CNNM2: variants seen among roughly 807,000 people sequenced by gnomAD.
CNNM2 encodes cyclin and CBS domain divalent metal cation transport mediator 2, also known as metal transporter CNNM2.
In CNNM2, 12 loss-of-function variants were observed where a neutral mutation model predicts 66.9. That is an observed-to-expected ratio of 0.18 (90% CI 0.11 to 0.29). The LOEUF (loss-of-function observed/expected upper bound fraction) is 0.29, where lower values mean the gene tolerates loss of function less well. Ranked by LOEUF, CNNM2 falls within the 10% of genes least tolerant of loss-of-function variation. The probability of loss-of-function intolerance (pLI) is 1.00; values close to 1 mark genes in which losing one functional copy is unlikely to be tolerated. For synonymous variants in CNNM2, 557 were observed against 501.8 expected, an observed-to-expected ratio of 1.11 and a Z score of -1.47; for missense variants, 705 against 1,167.7, an observed-to-expected ratio of 0.60 and a Z score of 5.77.
intron 4 of CNNM2, 146 bp from the exon 5 acceptor site, chr10:103,068,483 T>G (rs916875072): frequency 1.6e-4 from 110 of 705,060 alleles, no homozygotes; most frequent in Non-Finnish European, 2.5e-4. Context: ...CTCCTCTCAG[T>G]GGGAAAGATG....
intron 1 of CNNM2, among the ~76,000 whole-genome samples, chr10:102,925,118 G>T (rs995894752): frequency 6.6e-6 from 1 of 151,754 alleles, no homozygotes; most frequent in Non-Finnish European, 1.5e-5. Flanking sequence ...CCAACATGGA[G>T]AGACCTTGTC....
Position 102,919,666 on chromosome 10 carries a change from C to T in CNNM2, c.1186C>T (p.Leu396=), listed in dbSNP as rs1274960360. The T allele has an allele frequency of 6.2e-7, 1 of 1,614,114 alleles. No individual in the cohort carries two copies. The highest frequency in any genetic ancestry group is 1.3e-5 in the African/African-American group (1 of 74,954). ...TFPASYPVSK[L]LDCVLGQEIG... ...CCCCGCTTCCTACCCGGTCAGCAAGCTGCTGGACTGCGTCCTGGGCCAGGA... is the reference window on the plus strand; with the variant it reads ...CCCCGCTTCCTACCCGGTCAGCAAGTTGCTGGACTGCGTCCTGGGCCAGGA... The change falls in exon 1 of 8, where the codon CTG becomes TTG. Residue 396 remains leucine (L), a synonymous_variant. Transcript: ENST00000369878.
chr10:103,053,956 A>G (rs925402307), intron 2 of CNNM2, among the ~76,000 whole-genome samples: 1 of 152,104 alleles, frequency 6.6e-6, no homozygotes, highest in African/African-American at 2.4e-5. Context: ...GGTGACATTG[A>G]GCAACAGTGG....
intron 1 of CNNM2, among the ~76,000 whole-genome samples, chr10:102,947,431 C>T (rs1180871026): frequency 2.1e-5 from 3 of 144,670 alleles, no homozygotes; most frequent in East Asian, 2.1e-4. Context: ...TTTGGAAATA[C>T]TTATAAAGTG....
rs139670955 is a variant in CNNM2 at position 103,041,301 on chromosome 10, T to A, written c.1622-8406T>A. 7.2e-4 allele frequency among the ~76,000 whole-genome samples: 109 copies of A among 152,324 alleles called. 1 individual carries two copies. Among genetic ancestry groups the A allele is most frequent in the African/African-American group, 2.5e-3 (106 of 41,578 alleles). On this transcript the variant is annotated intron_variant, in intron 1 of 7. Coordinates refer to ENST00000369878, the MANE Select transcript of CNNM2 (RefSeq NM_017649.5). Reference sequence around the variant, plus strand: ...AAGTTTCACTGAGCTGTGAAACTTATGCAGCTGTGTGTGTGTACCTATTCA... The same window carrying A: ...AAGTTTCACTGAGCTGTGAAACTTAAGCAGCTGTGTGTGTGTACCTATTCA...
At chr10:102,983,989 C>T (rs1330129828) in intron 1 of CNNM2, among the ~76,000 whole-genome samples, 2 of 152,016 alleles carry the variant, frequency 1.3e-5, no homozygotes, top group Non-Finnish European at 2.9e-5. Context: ...CTCCTGACTT[C>T]AGGTGATCCA....
intron 1 of CNNM2, among the ~76,000 whole-genome samples, chr10:103,004,561 G>A (rs947916908): frequency 4.6e-5 from 7 of 152,172 alleles, no homozygotes; most frequent in South Asian, 2.1e-4. Flanking sequence ...TAGTTCAAGG[G>A]TAGAGCCTGA....
intron 1 of CNNM2, among the ~76,000 whole-genome samples, chr10:103,029,541 C>T (rs1040035279): frequency 6.6e-6 from 1 of 151,272 alleles, no homozygotes; most frequent in Non-Finnish European, 1.5e-5. Context: ...AAAGAGAACC[C>T]TTCCTTCAAT....
chr10:103,079,536 G>A lies in CNNM2; in HGVS notation c.*2356G>A, dbSNP rs547203439. ...TAAATCCTAAAGAACTGAGTCTGGG[G>A]AGAGGAGAGGGGATGCCAGCTGCTG... On this transcript the variant is annotated 3_prime_UTR_variant, in exon 8 of 8. Transcript: ENST00000369878. The A allele has an allele frequency of 6.6e-6, 1 of 152,456 alleles. No individual in the cohort carries two copies. Among genetic ancestry groups the A allele is most frequent in the South Asian group, 2.1e-4 (1 of 4,822 alleles). The allele number at this position is 152,456 out of a possible 1,614,324, so 9.4% of individuals were successfully genotyped here.
chr10:103,028,393 G>A (rs2064748861), intron 1 of CNNM2, among the ~76,000 whole-genome samples: 1 of 152,130 alleles, frequency 6.6e-6, no homozygotes, highest in Admixed American at 6.5e-5. Flanking sequence ...CATGTTTTGT[G>A]TTTATAAGAA....
In CNNM2 at chr10:102,979,876, A is replaced by G. The variant is rs139912319; in HGVS notation, c.1621+59775A>G. 3.9e-5 allele frequency among the ~76,000 whole-genome samples: 6 copies of G among 152,050 alleles called. 1 individual carries two copies. The South Asian group carries it at 1.2e-3, about 32-fold the overall frequency. On this transcript the variant is annotated intron_variant, in intron 1 of 7. Transcript: ENST00000369878. The stretch of plus-strand genomic sequence containing the variant: ...TATCTCATTCTAATTCCTACTCTCC[A>G]AAGTTAACTACTTTGTTCTCTTCCA...
chr10:102,929,701 C>G (rs7922349), intron 1 of CNNM2, among the ~76,000 whole-genome samples: 6 of 151,782 alleles, frequency 4.0e-5, no homozygotes, highest in Non-Finnish European at 7.4e-5. Flanking sequence ...GTTGTTTATC[C>G]GCTCATCCGT....
chr10:102,964,609 C>T (rs2063432328), intron 1 of CNNM2, among the ~76,000 whole-genome samples: 1 of 152,078 alleles, frequency 6.6e-6, no homozygotes, highest in African/African-American at 2.4e-5. Context: ...AGCTAGTTAC[C>T]TGGACCACCT....
At chr10:102,947,951 G>A (rs1300920396) in intron 1 of CNNM2, among the ~76,000 whole-genome samples, 1 of 152,116 alleles carries the variant, frequency 6.6e-6, no homozygotes, top group Non-Finnish European at 1.5e-5. Flanking sequence ...TACTCAGGAG[G>A]CTGGGGCAGG....
At chr10:103,075,051 CAG>C (rs1056457350) in intron 6 of CNNM2, among the ~76,000 whole-genome samples, 42 of 152,154 alleles carry the variant, frequency 2.8e-4, no homozygotes, top group African/African-American at 9.4e-4. Flanking sequence ...AAGCTCCACA[CAG>C]AGGAAGTGAG....
chr10:103,022,575 C>T (rs375136936), intron 1 of CNNM2, among the ~76,000 whole-genome samples: 1 of 152,140 alleles, frequency 6.6e-6, no homozygotes, highest in East Asian at 1.9e-4. Flanking sequence ...ATGGAAATTG[C>T]CAAATGCTAC....
intron 1 of CNNM2, among the ~76,000 whole-genome samples, chr10:103,007,600 C>T (rs1012306700): frequency 2.0e-5 from 3 of 152,156 alleles, no homozygotes; most frequent in Non-Finnish European, 2.9e-5. Flanking sequence ...ATCTTCCCTA[C>T]TTGCACATCC....
At position 103,089,103 on chromosome 10, in the gene CNNM2, T is replaced by G. The variant is rs752803531; in HGVS notation, c.*11923T>G. ...AAGCAACGCAAGTAGAGCATACTTC[T>G]GTGCAAAGCCAGTGATAGAGAAGCA... On this transcript the variant is annotated 3_prime_UTR_variant, in exon 8 of 8. Coordinates refer to ENST00000369878, the MANE Select transcript of CNNM2 (RefSeq NM_017649.5). 1.8e-5 allele frequency: 4 copies of G among 226,960 alleles called. No homozygotes were observed. Among genetic ancestry groups the G allele is most frequent in the Non-Finnish European group, 2.6e-5 (3 of 114,200 alleles). The allele number at this position is 226,960 out of a possible 1,614,324, so 14.1% of individuals were successfully genotyped here. A position where few individuals can be genotyped will look rare whatever the true frequency, so the allele number is the denominator to read the frequency against.
rs10580172 is a variant in CNNM2, at chr10:102,962,690, CTGTGTG to C, written c.1621+42625_1621+42630del. Among the ~76,000 whole-genome samples, 3,949 of 143,868 alleles carry C rather than the reference CTGTGTG, an allele frequency of 0.027. 80 individuals are homozygous for C. The highest frequency in any genetic ancestry group is 0.076 in the African/African-American group (2,939 of 38,472). The allele number at this position is 143,868 out of a possible 152,430, so 94.4% of individuals were successfully genotyped here. On this transcript the variant is annotated intron_variant, in intron 1 of 7. Transcript: ENST00000369878. ...GGGAGAATTCTCACAATATGATATA[CTGTGTG>C]TGTGTGTGTGTGTGTGTGTGTGTGT...
Sources: allele counts gnomAD v4.1 joint callset (sites outside exome capture counted in the v4.1 genomes callset), GRCh38; gene constraint gnomAD v4.1.1; transcripts MANE v1.5; gene names NCBI Gene and HGNC (gene_info 2026-07-23, HGNC 2026-07-21).